ALK: variants seen among roughly 807,000 people sequenced by gnomAD.
The protein encoded by ALK is ALK receptor tyrosine kinase.
A neutral mutation model predicts 163.1 loss-of-function variants in ALK; 74 were observed. The observed-to-expected ratio is 0.45, with a 90% CI of 0.38 to 0.55. ALK has a LOEUF of 0.55. Ranked by LOEUF, ALK falls within the 20% of genes least tolerant of loss-of-function variation. The pLI is 0.00. For synonymous variants in ALK, 960 were observed against 843.2 expected, an observed-to-expected ratio of 1.14 and a Z score of -2.40; for missense variants, 2,063 against 2,105.3, an observed-to-expected ratio of 0.98 and a Z score of 0.39.
intron 5 of ALK, among the ~76,000 whole-genome samples, chr2:29,343,989 C>T (rs1325110377): frequency 6.6e-6 from 1 of 152,116 alleles, no homozygotes; most frequent in African/African-American, 2.4e-5. Context: ...ACAGACAAGA[C>T]TTGATGGGAA....
intron 5 of ALK, among the ~76,000 whole-genome samples, chr2:29,364,793 C>A (rs1668464288): frequency 6.6e-6 from 1 of 152,154 alleles, no homozygotes; most frequent in East Asian, 1.9e-4. Context: ...CAACACTGAG[C>A]CCATCTTTAT....
At chr2:29,472,738 GA>G (rs1347664909) in intron 4 of ALK, among the ~76,000 whole-genome samples, 1 of 151,772 alleles carries the variant, frequency 6.6e-6, no homozygotes, top group African/African-American at 2.4e-5. Context: ...AGTCACAAAA[GA>G]AAAAATGAAT....
rs1001922228 is a variant in ALK, at chr2:29,531,899, A to T, written c.1154+16T>A. On this transcript the variant is annotated intron_variant, in intron 4 of 28. Coordinates refer to ENST00000389048, the MANE Select transcript of ALK (RefSeq NM_004304.5). Reference sequence around the variant, plus strand: ...ACCTGGTATAAAATCAATTTTGGACATGGAGAAGTACTTACCCATGCTTCC... The same window carrying T: ...ACCTGGTATAAAATCAATTTTGGACTTGGAGAAGTACTTACCCATGCTTCC... 1 of 1,613,936 alleles carries T rather than the reference A, an allele frequency of 6.2e-7. No individual in the cohort carries two copies. Among genetic ancestry groups the T allele is most frequent in the Non-Finnish European group, 8.5e-7 (1 of 1,179,884 alleles).
chr2:29,662,777 T>C (rs1366704899), intron 3 of ALK, among the ~76,000 whole-genome samples: 1 of 152,164 alleles, frequency 6.6e-6, no homozygotes, highest in Non-Finnish European at 1.5e-5. Context: ...AAGGCATTTT[T>C]CCAAATAAAG....
chr2:29,468,853 CAAA>C (rs70958265), intron 4 of ALK, among the ~76,000 whole-genome samples: 8 of 30,918 alleles, frequency 2.6e-4, no homozygotes, highest in African/African-American at 8.8e-4. Context: ...GACCCTGCCT[CAAA>C]AAAAAAAAAA....
At chr2:29,726,750 T>C (rs872674) in intron 1 of ALK, among the ~76,000 whole-genome samples, 131,064 of 152,228 alleles carry the variant, frequency 0.86, 56,593 homozygotes, top group African/African-American at 0.91. Context: ...ACATTCACCA[T>C]GACTTAGGGC....
chr2:29,779,087 C>T (rs547928710), intron 1 of ALK, among the ~76,000 whole-genome samples: 3 of 151,654 alleles, frequency 2.0e-5, no homozygotes, highest in Admixed American at 6.6e-5. Flanking sequence ...ACCTGGGAGG[C>T]GGAGCTTGCA....
chr2:29,800,818 G>A (rs1664448227), intron 1 of ALK, among the ~76,000 whole-genome samples: 1 of 152,238 alleles, frequency 6.6e-6, no homozygotes, highest in African/African-American at 2.4e-5. Context: ...GGGCTTCTGA[G>A]TCCTAAATAA....
At chr2:29,406,938 G>T (rs140002969) in intron 4 of ALK, among the ~76,000 whole-genome samples, 1 of 150,522 alleles carries the variant, frequency 6.6e-6, no homozygotes, top group African/African-American at 2.4e-5. Context: ...TTTCATGAAA[G>T]ATCTGGCCTG....
intron 4 of ALK, among the ~76,000 whole-genome samples, chr2:29,451,345 G>T (rs984057800): frequency 2.0e-5 from 3 of 151,964 alleles, no homozygotes; most frequent in South Asian, 2.1e-4. Context: ...TACTCCTTTG[G>T]TAAGAGCCAT....
chr2:29,618,047 G>T (rs1675909630), intron 3 of ALK, among the ~76,000 whole-genome samples: 1 of 152,176 alleles, frequency 6.6e-6, no homozygotes, highest in East Asian at 1.9e-4. Flanking sequence ...TCCCTCCGTA[G>T]CTTTCCTTAG....
chr2:29,912,059 T>G (rs150184432), intron 1 of ALK, among the ~76,000 whole-genome samples: 135 of 152,230 alleles, frequency 8.9e-4, no homozygotes, highest in African/African-American at 2.9e-3. Flanking sequence ...CAATAGAAAT[T>G]GTTCAATCTA....
chr2:29,773,262 C>T lies in ALK; in HGVS notation c.668-55565G>A, dbSNP rs565302818. On this transcript the variant is annotated intron_variant, in intron 1 of 28. Transcript: ENST00000389048. ...CACACACACACACACACATTTTTTT[C>T]TTTTTAGAGAACTAGTTGTTCAACA... Among the ~76,000 whole-genome samples, 7 of 146,664 alleles carry T rather than the reference C, an allele frequency of 4.8e-5. 1 individual carries two copies. The highest frequency in any genetic ancestry group is 1.8e-4 in the African/African-American group (7 of 39,702).
intron 4 of ALK, among the ~76,000 whole-genome samples, chr2:29,489,464 T>A (rs987391468): frequency 2.6e-5 from 4 of 152,096 alleles, no homozygotes; most frequent in Non-Finnish European, 5.9e-5. Flanking sequence ...CTTGCCCAAC[T>A]AAGTTTTAAT....
intron 4 of ALK, among the ~76,000 whole-genome samples, chr2:29,471,370 T>C (rs186058271): frequency 6.6e-6 from 1 of 152,212 alleles, no homozygotes; most frequent in East Asian, 1.9e-4. Context: ...CTTATTAGCA[T>C]AGATGCAAAA....
intron 3 of ALK, among the ~76,000 whole-genome samples, chr2:29,689,505 T>C (rs1678333867): frequency 1.3e-5 from 2 of 152,112 alleles, no homozygotes; most frequent in Non-Finnish European, 2.9e-5. Flanking sequence ...GAAGAAAGGA[T>C]GAGAAATGCT....
At chr2:29,356,566 C>T (rs777153443) in intron 5 of ALK, among the ~76,000 whole-genome samples, 2 of 152,134 alleles carry the variant, frequency 1.3e-5, no homozygotes, top group African/African-American at 2.4e-5. Context: ...ACTTTGCTGC[C>T]TCTGGTTCTA....
intron 3 of ALK, among the ~76,000 whole-genome samples, chr2:29,665,336 C>A (rs190287114): frequency 6.6e-6 from 1 of 151,968 alleles, no homozygotes; most frequent in Non-Finnish European, 1.5e-5. Flanking sequence ...CTCCTAACCT[C>A]CCGCTTTTCC....
chr2:29,507,795 T>C (rs1573412473), intron 4 of ALK, among the ~76,000 whole-genome samples: 1 of 152,140 alleles, frequency 6.6e-6, no homozygotes, highest in African/African-American at 2.4e-5. Context: ...TGACTTAAGA[T>C]GGCCCTCATG....
Sources: allele counts gnomAD v4.1 joint callset (sites outside exome capture counted in the v4.1 genomes callset), GRCh38; gene constraint gnomAD v4.1.1; transcripts MANE v1.5; gene names NCBI Gene and HGNC (gene_info 2026-07-23, HGNC 2026-07-21).